Variants in SACS observed in about 807,000 individuals in gnomAD.
The protein encoded by SACS is sacsin.
Under a neutral mutation model 348.0 loss-of-function variants are expected in SACS, and 197 were observed. The observed-to-expected ratio is 0.57, with a 90% CI of 0.50 to 0.64. The LOEUF (loss-of-function observed/expected upper bound fraction) is 0.64, where lower values mean the gene tolerates loss of function less well. Ranked by LOEUF, SACS falls within the 30% of genes least tolerant of loss-of-function variation. The pLI is 0.00. For missense variants in SACS, 4,999 were observed against 5,360.8 expected (o/e 0.93, Z 2.11); for synonymous variants, 1,985 against 1,910.6 (o/e 1.04, Z -1.02).
rs903400767 is a variant in SACS at position 23,375,330 on chromosome 13, G to A, written c.21-61C>T. ...GCTGCCACCCGCCCGCCCAGCGCCC[G>A]CGCGGCCTCCACCCGCGTTACCTCT... is the stretch of plus-strand genomic sequence containing the variant. On this transcript the variant is annotated intron_variant, in intron 2 of 9. Coordinates refer to ENST00000382292, the MANE Select transcript of SACS (RefSeq NM_014363.6). 5.2e-6 allele frequency: 7 copies of A among 1,352,166 alleles called. No homozygotes were observed. In the African/African-American group the frequency reaches 1.1e-4, roughly 20 times the overall value. 83.8% of individuals were successfully genotyped at this position (1,352,166 alleles called of 1,614,324 possible).
intron 9 of SACS, among the ~76,000 whole-genome samples, chr13:23,347,247 C>G (rs1869666371): frequency 6.6e-6 from 1 of 152,040 alleles, no homozygotes; most frequent in Non-Finnish European, 1.5e-5. Context: ...TTTTGGAGTA[C>G]CTACACAAAG....
At chr13:23,381,385 A>ACACACACACACG (rs1431438327) in intron 2 of SACS, among the ~76,000 whole-genome samples, 4 of 151,644 alleles carry the variant, frequency 2.6e-5, no homozygotes, top group African/African-American at 9.7e-5. Context: ...ACACACACAC[A>ACACACACACACG]CACACACACA....
In SACS at chr13:23,397,964, G is replaced by A. The variant is rs559634294; in HGVS notation, c.20+13256C>T. ...CCCTACACTTTGGGAGGCCGAGGTG[G>A]GCAGATCACCTGAGGTCGGGAGTTC... is the stretch of plus-strand genomic sequence containing the variant. On this transcript the variant is annotated intron_variant, in intron 2 of 9. Transcript: ENST00000382292. 2.4e-3 allele frequency among the ~76,000 whole-genome samples: 368 copies of A among 152,200 alleles called. 1 individual carries two copies. Among genetic ancestry groups the A allele is most frequent in the African/African-American group, 8.4e-3 (348 of 41,514 alleles).
At chr13:23,404,461 A>G (rs1198294322) in intron 2 of SACS, among the ~76,000 whole-genome samples, 1 of 152,198 alleles carries the variant, frequency 6.6e-6, no homozygotes, top group Non-Finnish European at 1.5e-5. Context: ...CCCACAGCCA[A>G]TATCATACTG....
In SACS at chr13:23,355,130, C is replaced by T. The variant is rs1200776267; in HGVS notation, c.1482G>A (p.Glu494=). Residue 494 remains glutamate (E), a synonymous_variant, in exon 8 of 10, where the codon GAG becomes GAA. Coordinates refer to ENST00000382292, the MANE Select transcript of SACS (RefSeq NM_014363.6). ...QWRDPAALWN[E]FLVMNVVPKA... ...TGGGGACAACATTCATGACAAGAAA[C>T]TCATTCCATAAGGCTGCCGGGTCTC... is the stretch of plus-strand genomic sequence containing the variant. 1.9e-6 allele frequency: 3 copies of T among 1,614,196 alleles called. No homozygotes were observed. The highest frequency in any genetic ancestry group is 2.5e-6 in the Non-Finnish European group (3 of 1,180,050).
chr13:23,335,854 A>G lies in SACS; in HGVS notation c.8022T>C (p.Phe2674=), dbSNP rs34928783. 1,183 of 1,614,020 alleles carry G rather than the reference A, an allele frequency of 7.3e-4. 4 individuals are homozygous for G. The highest frequency in any genetic ancestry group is 4.3e-3 in the Middle Eastern group (26 of 6,060). ...CCAGAACATCTGAGAACTGTGTCCT[A>G]AAATCTGCATCCAAATCTCTAAACA... The part of the protein sequence containing the change: ...GRMFRDLDAD[F]RTQFSDVLDL... The change falls in exon 10 of 10, where the codon TTT becomes TTC. Residue 2674 remains phenylalanine, a synonymous_variant. Coordinates refer to ENST00000382292, the MANE Select transcript of SACS (RefSeq NM_014363.6). This position sits in a 1 kb window ranked among gnomAD's most constrained non-coding sequence, Gnocchi z 4.7.
At chr13:23,390,803 G>A (rs1249237388) in intron 2 of SACS, among the ~76,000 whole-genome samples, 1 of 152,218 alleles carries the variant, frequency 6.6e-6, no homozygotes, top group Non-Finnish European at 1.5e-5. Context: ...TGTCTAAAGA[G>A]CACTGATTCC....
chr13:23,421,771 A>G (rs3858754), intron 1 of SACS, among the ~76,000 whole-genome samples: 73,253 of 151,770 alleles, frequency 0.48, 20,180 homozygotes, highest in South Asian at 0.63. Flanking sequence ...CAGGGTATCT[A>G]CCTGGAGCGT....
intron 1 of SACS, among the ~76,000 whole-genome samples, chr13:23,420,681 C>G (rs1305364815): frequency 1.3e-5 from 2 of 152,092 alleles, no homozygotes; most frequent in Non-Finnish European, 2.9e-5. Flanking sequence ...AACTGGATGT[C>G]CACCTGGGGC....
chr13:23,405,268 C>G (rs1297980219), intron 2 of SACS, among the ~76,000 whole-genome samples: 1 of 152,096 alleles, frequency 6.6e-6, no homozygotes, highest in Non-Finnish European at 1.5e-5. Flanking sequence ...ACATCTACAA[C>G]CATCTGAACT....
At chr13:23,371,861 G>T (rs1323495596) in intron 3 of SACS, among the ~76,000 whole-genome samples, 1 of 152,202 alleles carries the variant, frequency 6.6e-6, no homozygotes, top group African/African-American at 2.4e-5. Context: ...CTGGGGAGAA[G>T]ATGCACAGAG....
Position 23,388,260 on chromosome 13 carries a change from G to A in SACS, c.21-12991C>T, listed in dbSNP as rs929647929. Among the ~76,000 whole-genome samples the A allele has an allele frequency of 4.6e-5, 7 of 151,040 alleles. No individual in the cohort carries two copies. The South Asian group carries it at 6.3e-4, about 14-fold the overall frequency. Reference sequence around the variant, plus strand: ...GAGGCAGGAGAATGTCGTGAACCGGGCAGGCGGAGTTTGCAGTGAGCCGAG... The same window carrying A: ...GAGGCAGGAGAATGTCGTGAACCGGACAGGCGGAGTTTGCAGTGAGCCGAG... On this transcript the variant is annotated intron_variant, in intron 2 of 9. Transcript: ENST00000382292.
At chr13:23,378,684 C>T (rs998826314) in intron 2 of SACS, among the ~76,000 whole-genome samples, 11 of 152,082 alleles carry the variant, frequency 7.2e-5, no homozygotes, top group East Asian at 3.9e-4. Context: ...CAGGTGTTTC[C>T]GCCCACCTCA....
chr13:23,338,347 C>G lies in SACS; in HGVS notation c.5529G>C (p.Leu1843=), dbSNP rs148091738. ...GAACTCCTACTGCCCCACATGGAAC[C>G]AGTCCTAGTCTTCTTCCACTCTCAC... is the stretch of plus-strand genomic sequence containing the variant. ...SLSESGRRLG[L]VPCGAVGVQL... Residue 1843 remains leucine (L), a synonymous_variant, in exon 10 of 10, where the codon CTG becomes CTC. Transcript: ENST00000382292. 335 of 1,614,018 alleles carry G rather than the reference C, an allele frequency of 2.1e-4. No individual in the cohort carries two copies. Among genetic ancestry groups the G allele is most frequent in the Non-Finnish European group, 2.8e-4 (327 of 1,180,004 alleles).
Position 23,333,655 on chromosome 13 carries a change from T to C in SACS, c.10221A>G (p.Leu3407=), listed in dbSNP as rs143243372. The C allele has an allele frequency of 7.7e-5, 124 of 1,613,862 alleles. No homozygotes were observed. In the Admixed American group the frequency reaches 1.9e-3, roughly 25 times the overall value. ...HLMSQDDIKI[L]KSLPCYKSIS... Reference sequence around the variant, plus strand: ...TGGATTTATAGCACGGAAGTGACTTTAGAATTTTTATATCATCTTGGGACA... The same window carrying C: ...TGGATTTATAGCACGGAAGTGACTTCAGAATTTTTATATCATCTTGGGACA... The change falls in exon 10 of 10, where the codon CTA becomes CTG. Residue 3407 remains leucine (L), a synonymous_variant. Coordinates refer to ENST00000382292, the MANE Select transcript of SACS (RefSeq NM_014363.6).
chr13:23,337,630 A>T lies in SACS; in HGVS notation c.6246T>A (p.Asn2082Lys). The change falls in exon 10 of 10, where the codon AAT (asparagine) becomes AAA (lysine). Residue 2082 changes from asparagine to lysine, a missense_variant. This residue lies in a region of SACS where 3,156 missense variants were observed against 3,380.1 expected (regional missense o/e 0.93). Transcript: ENST00000382292. ...LRDPLMIFVL[N>K]EKVDEFSGVL... ...CTCCCGAGAACTCATCAACTTTTTC[A>T]TTTAGAACAAAGATCATTAAAGGAT... 1 of 1,613,872 alleles carries T rather than the reference A, an allele frequency of 6.2e-7. No individual in the cohort carries two copies. The highest frequency in any genetic ancestry group is 8.5e-7 in the Non-Finnish European group (1 of 1,179,928).
At chr13:23,364,180 A>C (rs1221063868) in intron 6 of SACS, among the ~76,000 whole-genome samples, 1 of 152,238 alleles carries the variant, frequency 6.6e-6, no homozygotes, top group Non-Finnish European at 1.5e-5. Context: ...CTAAATGTTA[A>C]CTGGCCTCCT....
rs1871367117 is a variant in SACS at position 23,371,176 on chromosome 13, G to T, written c.172-11C>A. On this transcript the variant is annotated splice_polypyrimidine_tract_variant and intron_variant, in intron 3 of 9. Coordinates refer to ENST00000382292, the MANE Select transcript of SACS (RefSeq NM_014363.6). ...GATCCAGTCAGATAACTGAAAAAAA[G>T]CAAAAGAAAATGTATGAAAAGCAAT... The T allele has an allele frequency of 2.5e-6, 4 of 1,579,198 alleles. No homozygotes were observed. Among genetic ancestry groups the T allele is most frequent in the Non-Finnish European group, 3.5e-6 (4 of 1,151,408 alleles).
intron 2 of SACS, among the ~76,000 whole-genome samples, chr13:23,392,268 A>G (rs1008745307): frequency 6.6e-6 from 1 of 152,312 alleles, no homozygotes; most frequent in East Asian, 1.9e-4. Context: ...CCTCTCCCCA[A>G]AACAGACTAT....
Sources: gnomAD v4.1 joint callset for allele counts (sites outside exome capture counted in the v4.1 genomes callset) on GRCh38, gnomAD v4.1.1 for gene constraint, gnomAD v4.1.1 regional missense constraint, Gnocchi (gnomAD v3.1) non-coding constraint, MANE v1.5 for transcripts, NCBI Gene and HGNC (gene_info 2026-07-23, HGNC 2026-07-21) for gene names.